DPYSL3: variants seen among roughly 807,000 people sequenced by gnomAD.
The protein encoded by DPYSL3 is dihydropyrimidinase-related protein 3.
A neutral mutation model predicts 66.1 loss-of-function variants in DPYSL3; 16 were observed. The observed-to-expected ratio is 0.24, with a 90% CI of 0.16 to 0.37. The LOEUF is 0.37. Ranked by LOEUF, DPYSL3 falls within the 10% of genes least tolerant of loss-of-function variation. DPYSL3 has a pLI of 1.00. For missense variants in DPYSL3, 738 were observed against 916.2 expected, an observed-to-expected ratio of 0.81 and a Z score of 2.51; for synonymous variants, 338 against 345.1, an observed-to-expected ratio of 0.98 and a Z score of 0.23.
intron 10 of DPYSL3, among the ~76,000 whole-genome samples, chr5:147,399,714 C>A (rs190050329): frequency 7.2e-5 from 11 of 152,248 alleles, no homozygotes; most frequent in Non-Finnish European, 1.3e-4. Flanking sequence ...TTTTTGTTTT[C>A]TTTCAAGTGT....
intron 1 of DPYSL3, chr5:147,453,624 T>C: frequency 2.0e-6 from 3 of 1,522,716 alleles, no homozygotes; most frequent in African/African-American, 1.4e-5. Flanking sequence ...GCTCCCTCCC[T>C]CCTTCTTCTG....
chr5:147,408,897 G>A (rs995434068), intron 6 of DPYSL3, 101 bp from the exon 7 acceptor site: 24 of 1,166,010 alleles, frequency 2.1e-5, no homozygotes, highest in African/African-American at 4.5e-5. Context: ...ATAAATATGC[G>A]TATGTTGAAC....
chr5:147,416,248 A>G (rs1300110404), intron 3 of DPYSL3, among the ~76,000 whole-genome samples: 4 of 152,156 alleles, frequency 2.6e-5, no homozygotes, highest in African/African-American at 4.8e-5. Flanking sequence ...GTTAGCCATC[A>G]ATGAGTGCCT....
At chr5:147,395,272 G>T (rs959585828) in intron 13 of DPYSL3, among the ~76,000 whole-genome samples, 1 of 152,186 alleles carries the variant, frequency 6.6e-6, no homozygotes, top group South Asian at 2.1e-4. Flanking sequence ...TCATAGAGGG[G>T]ACCAGCTCCC....
intron 2 of DPYSL3, among the ~76,000 whole-genome samples, chr5:147,421,051 A>C (rs1255698659): frequency 6.6e-6 from 1 of 152,230 alleles, no homozygotes; most frequent in Non-Finnish European, 1.5e-5. Context: ...AGCGTATTCA[A>C]ATAGGAAGAG....
chr5:147,509,401 G>C lies in DPYSL3; in HGVS notation c.381+77C>G, dbSNP rs1177029428. The C allele has an allele frequency of 7.0e-7, 1 of 1,438,508 alleles. No individual in the cohort carries two copies. Among genetic ancestry groups the C allele is most frequent in the East Asian group, 2.5e-5 (1 of 39,984 alleles). The allele number at this position is 1,438,508 out of a possible 1,614,324, so 89.1% of individuals were successfully genotyped here. ...CCCCGTGCAAAGTGAGCTGGAGAAAGTTGTGCCCGGGCCATGGCGGCCAGG... is the reference window on the plus strand; with the variant it reads ...CCCCGTGCAAAGTGAGCTGGAGAAACTTGTGCCCGGGCCATGGCGGCCAGG... On this transcript the variant is annotated intron_variant, in intron 1 of 13. Transcript: ENST00000343218. This position sits in a 1 kb window ranked among gnomAD's most constrained non-coding sequence, Gnocchi z 5.3.
intron 1 of DPYSL3, among the ~76,000 whole-genome samples, chr5:147,477,683 CG>C (rs1303912882): frequency 6.7e-6 from 1 of 148,670 alleles, no homozygotes; most frequent in Non-Finnish European, 1.5e-5. Flanking sequence ...CCCGGGTTCA[CG>C]CCATTCTCCT....
chr5:147,402,671 T>C, intron 8 of DPYSL3, among the ~76,000 whole-genome samples: 1 of 152,182 alleles, frequency 6.6e-6, no homozygotes, highest in Non-Finnish European at 1.5e-5. Flanking sequence ...TTATCATGTT[T>C]GTTACTCCTA....
At chr5:147,422,576 C>T (rs1464105287) in intron 2 of DPYSL3, among the ~76,000 whole-genome samples, 1 of 152,108 alleles carries the variant, frequency 6.6e-6, no homozygotes, top group East Asian at 1.9e-4. Flanking sequence ...CCACTATTCA[C>T]AACAGCAAAG....
intron 1 of DPYSL3, among the ~76,000 whole-genome samples, chr5:147,430,973 A>ATTTTGT (rs1348766863): frequency 1.3e-5 from 2 of 152,192 alleles, no homozygotes; most frequent in African/African-American, 4.8e-5. Flanking sequence ...AAAATCAAAT[A>ATTTTGT]TTTTGTTACC....
chr5:147,428,178 C>A (rs966456938), intron 1 of DPYSL3, among the ~76,000 whole-genome samples: 5 of 152,206 alleles, frequency 3.3e-5, no homozygotes, highest in African/African-American at 1.2e-4. Flanking sequence ...GGAATCTAAA[C>A]AGAGCCCAAA....
chr5:147,463,419 C>T (rs1160038210), intron 1 of DPYSL3, among the ~76,000 whole-genome samples: 8 of 152,014 alleles, frequency 5.3e-5, no homozygotes, highest in South Asian at 2.1e-4. Flanking sequence ...CCCTAGGCAG[C>T]GTTGACTTGG....
At chr5:147,503,083 G>C (rs1398749039) in intron 1 of DPYSL3, among the ~76,000 whole-genome samples, 1 of 151,914 alleles carries the variant, frequency 6.6e-6, no homozygotes, top group Non-Finnish European at 1.5e-5. Context: ...TCAATAAAAG[G>C]GCATCTATCA....
intron 1 of DPYSL3, among the ~76,000 whole-genome samples, chr5:147,440,399 A>G (rs149855106): frequency 2.7e-4 from 41 of 152,346 alleles, no homozygotes; most frequent in African/African-American, 9.4e-4. Flanking sequence ...CTATCTAATC[A>G]CTGAAATTAT....
intron 1 of DPYSL3, among the ~76,000 whole-genome samples, chr5:147,429,879 A>C (rs1163264591): frequency 1.3e-5 from 2 of 152,196 alleles, no homozygotes; most frequent in Admixed American, 1.3e-4. Flanking sequence ...AGTAACTTTC[A>C]AGCCACTACT....
chr5:147,468,526 T>A (rs534111531), intron 1 of DPYSL3, among the ~76,000 whole-genome samples: 1 of 152,164 alleles, frequency 6.6e-6, no homozygotes, highest in African/African-American at 2.4e-5. Flanking sequence ...TGCAGAGAAC[T>A]TCTTGTAATA....
intron 1 of DPYSL3, among the ~76,000 whole-genome samples, chr5:147,502,637 C>T (rs886499548): frequency 5.9e-5 from 8 of 135,102 alleles, no homozygotes; most frequent in African/African-American, 2.3e-4. Context: ...AGTGCAGTGG[C>T]GCAGTCTCGG....
intron 1 of DPYSL3, among the ~76,000 whole-genome samples, chr5:147,489,169 A>G (rs1198710649): frequency 3.3e-5 from 5 of 152,078 alleles, no homozygotes; most frequent in Non-Finnish European, 2.9e-5. Context: ...TTTCTGCTTT[A>G]GCTACTGTGC....
intron 1 of DPYSL3, among the ~76,000 whole-genome samples, chr5:147,483,269 G>A (rs1753275554): frequency 6.6e-6 from 1 of 152,186 alleles, no homozygotes; most frequent in African/African-American, 2.4e-5. Context: ...TTTAGTTAGA[G>A]CTGTTATATA....
Sources: gnomAD v4.1 joint callset for allele counts (sites outside exome capture counted in the v4.1 genomes callset) on GRCh38, gnomAD v4.1.1 for gene constraint, Gnocchi (gnomAD v3.1) non-coding constraint, MANE v1.5 for transcripts, NCBI Gene and HGNC (gene_info 2026-07-23, HGNC 2026-07-21) for gene names.